NXPH1: variants seen among roughly 807,000 people sequenced by gnomAD.
NXPH1 encodes neurexophilin-1.
NXPH1 carries 5 observed loss-of-function variants against 23.7 expected under a neutral mutation model. That is an observed-to-expected ratio of 0.21 (90% CI 0.11 to 0.44). The LOEUF is 0.44. Ranked by LOEUF, NXPH1 falls within the 20% of genes least tolerant of loss-of-function variation. The pLI, the probability that NXPH1 is intolerant of heterozygous loss-of-function variation, is 0.99. For missense variants in NXPH1, 324 were observed against 321.6 expected, an observed-to-expected ratio of 1.01 and a Z score of -0.06; for synonymous variants, 144 against 122.2, an observed-to-expected ratio of 1.18 and a Z score of -1.18.
chr7:8,574,622 A>G (rs146918235), intron 2 of NXPH1, among the ~76,000 whole-genome samples: 1 of 152,174 alleles, frequency 6.6e-6, no homozygotes, highest in African/African-American at 2.4e-5. Flanking sequence ...TGGTGTCTGC[A>G]TCACATGTAC....
intron 2 of NXPH1, among the ~76,000 whole-genome samples, chr7:8,597,833 A>C (rs1044159849): frequency 5.9e-5 from 9 of 152,206 alleles, no homozygotes; most frequent in East Asian, 1.9e-4. Flanking sequence ...AAATTGCACA[A>C]CACTTCACTT....
intron 2 of NXPH1, among the ~76,000 whole-genome samples, chr7:8,662,143 T>C (rs1365619318): frequency 1.3e-5 from 2 of 151,108 alleles, no homozygotes; most frequent in Non-Finnish European, 3.0e-5. Flanking sequence ...GATTATTGCA[T>C]ATATTTTTGA....
At chr7:8,678,608 C>G (rs1237015831) in intron 2 of NXPH1, among the ~76,000 whole-genome samples, 2 of 152,088 alleles carry the variant, frequency 1.3e-5, no homozygotes, top group Non-Finnish European at 2.9e-5. Flanking sequence ...CCAAAAATCT[C>G]TTATTAATCT....
intron 2 of NXPH1, among the ~76,000 whole-genome samples, chr7:8,715,256 G>T (rs537555398): frequency 2.6e-5 from 4 of 152,076 alleles, no homozygotes; most frequent in Non-Finnish European, 5.9e-5. Flanking sequence ...TCTCCCTCCC[G>T]CAGGTGCCCA....
At chr7:8,662,244 T>C (rs1583219460) in intron 2 of NXPH1, among the ~76,000 whole-genome samples, 1 of 151,918 alleles carries the variant, frequency 6.6e-6, no homozygotes, top group Non-Finnish European at 1.5e-5. Flanking sequence ...GATAGTTGTA[T>C]AGCTTGATAT....
intron 2 of NXPH1, among the ~76,000 whole-genome samples, chr7:8,591,237 A>G (rs1819087925): frequency 1.3e-5 from 2 of 152,088 alleles, no homozygotes; most frequent in African/African-American, 4.8e-5. Flanking sequence ...GATTTCAGGT[A>G]GGTAAGATTG....
chr7:8,502,037 GA>G (rs59703595), intron 2 of NXPH1, among the ~76,000 whole-genome samples: 64,745 of 151,804 alleles, frequency 0.43, 14,523 homozygotes, highest in Non-Finnish European at 0.5. Flanking sequence ...AGAGTGGAGG[GA>G]AAAAACATTT....
chr7:8,518,679 T>A (rs1817724704), intron 2 of NXPH1, among the ~76,000 whole-genome samples: 1 of 151,640 alleles, frequency 6.6e-6, no homozygotes, highest in Admixed American at 6.6e-5. Context: ...AGAGATGAGG[T>A]CTTCCTATGT....
At chr7:8,603,027 T>G (rs1173555528) in intron 2 of NXPH1, among the ~76,000 whole-genome samples, 1 of 152,122 alleles carries the variant, frequency 6.6e-6, no homozygotes. Context: ...GTCAGGTTGG[T>G]CTCGAACTTC....
intron 2 of NXPH1, among the ~76,000 whole-genome samples, chr7:8,581,530 C>T (rs1305756985): frequency 1.3e-5 from 2 of 152,144 alleles, no homozygotes; most frequent in East Asian, 3.9e-4. Context: ...GGAAAATCTG[C>T]CCCCAGGATC....
chr7:8,523,020 T>A (rs1392043115), intron 2 of NXPH1, among the ~76,000 whole-genome samples: 2 of 152,240 alleles, frequency 1.3e-5, no homozygotes, highest in African/African-American at 4.8e-5. Context: ...TCAAGCTTCC[T>A]CATCTGTAAA....
intron 2 of NXPH1, among the ~76,000 whole-genome samples, chr7:8,708,964 A>C (rs1256593659): frequency 2.6e-5 from 4 of 152,182 alleles, no homozygotes; most frequent in Non-Finnish European, 5.9e-5. Context: ...GAGGTGATCC[A>C]TATGCACACT....
chr7:8,592,761 G>A (rs576070303), intron 2 of NXPH1, among the ~76,000 whole-genome samples: 11 of 151,176 alleles, frequency 7.3e-5, no homozygotes, highest in South Asian at 4.2e-4. Flanking sequence ...CAGTGTTCCC[G>A]TAATGCTTTA....
chr7:8,621,954 T>C (rs1819884458), intron 2 of NXPH1, among the ~76,000 whole-genome samples: 1 of 152,188 alleles, frequency 6.6e-6, no homozygotes, highest in Admixed American at 6.5e-5. Context: ...TGAAATTCCA[T>C]CTGTCTAAGA....
At chr7:8,610,433 G>T (rs182266011) in intron 2 of NXPH1, among the ~76,000 whole-genome samples, 62 of 152,166 alleles carry the variant, frequency 4.1e-4, no homozygotes, top group African/African-American at 1.4e-3. Context: ...TGTTAGAGGA[G>T]CACACATCAC....
rs758426131 is a variant in NXPH1 at position 8,461,843 on chromosome 7, A to AAAAAAAAAAAAAAAAAAAAG, written c.54+26084_54+26085insAAAAAAAAAAAGAAAAAAAA. On this transcript the variant is annotated intron_variant, in intron 2 of 2. Transcript: ENST00000405863. ...CAGAGCGAGACTCCGTCTCAAAAAA[A>AAAAAAAAAAAAAAAAAAAAG]AAAAAAAAGAATAAACACACAAGTG... is the stretch of plus-strand genomic sequence containing the variant. 1.1e-3 allele frequency among the ~76,000 whole-genome samples: 129 copies of AAAAAAAAAAAAAAAAAAAAG among 121,420 alleles called. 1 individual carries two copies. Among genetic ancestry groups the AAAAAAAAAAAAAAAAAAAAG allele is most frequent in the African/African-American group, 3.4e-3 (114 of 33,336 alleles). The allele number at this position is 121,420 out of a possible 152,430, so 79.7% of individuals were successfully genotyped here. A position where few individuals can be genotyped will look rare whatever the true frequency, so the allele number is the denominator to read the frequency against.
intron 2 of NXPH1, among the ~76,000 whole-genome samples, chr7:8,730,299 G>A (rs1450405429): frequency 6.7e-6 from 1 of 149,088 alleles, no homozygotes; most frequent in Non-Finnish European, 1.5e-5. Context: ...TATCCAATTT[G>A]CCAGTCTGTG....
intron 2 of NXPH1, among the ~76,000 whole-genome samples, chr7:8,642,001 A>G (rs1583210968): frequency 6.6e-6 from 1 of 152,072 alleles, no homozygotes; most frequent in Non-Finnish European, 1.5e-5. Context: ...GCACCTTCCT[A>G]TTCCATTCTG....
rs561574227 is a variant in NXPH1, at chr7:8,695,689, A to G, written c.55-55319A>G. On this transcript the variant is annotated intron_variant, in intron 2 of 2. Coordinates refer to ENST00000405863, the MANE Select transcript of NXPH1 (RefSeq NM_152745.3). ...TCTAATATACTAAGTATTTTGTGCC[A>G]TAGTTAAACGTTTACTACCATTGAC... Among the ~76,000 whole-genome samples the G allele has an allele frequency of 5.1e-4, 77 of 152,318 alleles. 3 individuals are homozygous for G. In the South Asian group the frequency reaches 0.016, roughly 31 times the overall value.
Sources: allele counts gnomAD v4.1 joint callset (sites outside exome capture counted in the v4.1 genomes callset), GRCh38; gene constraint gnomAD v4.1.1; transcripts MANE v1.5; gene names NCBI Gene and HGNC (gene_info 2026-07-23, HGNC 2026-07-21).